Variants in COL4A6 observed in about 807,000 individuals in gnomAD.
COL4A6 encodes collagen type IV alpha 6 chain, also known as collagen alpha-6(IV) chain.
In COL4A6, 59 loss-of-function variants were observed where a neutral mutation model predicts 126.7. The ratio of observed to expected loss-of-function variants is 0.47; its 90% CI spans 0.38 to 0.58. The LOEUF (loss-of-function observed/expected upper bound fraction) is 0.58. Among genes scored for constraint, COL4A6 ranks in the 20% least tolerant of loss-of-function variants. COL4A6 has a pLI of 0.00. For missense variants in COL4A6, 1,285 were observed against 1,337.3 expected, an observed-to-expected ratio of 0.96 and a Z score of 0.61; for synonymous variants, 547 against 496.6, an observed-to-expected ratio of 1.10 and a Z score of -1.35.
intron 2 of COL4A6, among the ~76,000 whole-genome samples, chrX:108,355,985 G>C (rs2039950677): frequency 9.0e-6 from 1 of 110,898 alleles, no homozygotes; most frequent in African/African-American, 3.3e-5. Context: ...TTGACAGCTA[G>C]TAAATGTCAG....
Position 108,161,702 on chromosome X carries a change from T to C in COL4A6, c.4250A>G (p.Asp1417Gly). 1 of 1,191,176 alleles carries C rather than the reference T, an allele frequency of 8.4e-7. No homozygotes were observed. The highest frequency in any genetic ancestry group is 1.8e-5 in the South Asian group (1 of 56,391). ...TGGGCCTGGGAGCCCACTGGGGCCA[T>C]CTTTACCGGGGATGCCAGGTAAACC... is the stretch of plus-strand genomic sequence containing the variant. ...SKGLPGIPGK[D>G]GPSGLPGPPG... The change falls in exon 42 of 45, where the codon GAT becomes GGT. Residue 1417 changes from aspartate to glycine, a missense_variant. By Grantham distance (94) the Asp-to-Gly change is moderately conservative (BLOSUM62 -1). Coordinates refer to ENST00000334504, the MANE Select transcript of COL4A6 (RefSeq NM_033641.4).
chrX:108,264,050 C>T (rs1408977886), intron 3 of COL4A6, among the ~76,000 whole-genome samples: 1 of 111,326 alleles, frequency 9.0e-6, no homozygotes, highest in Non-Finnish European at 1.9e-5. Context: ...TTAATGACTT[C>T]TAGAGAGTCC....
At chrX:108,359,970 G>A (rs2040046625) in intron 2 of COL4A6, among the ~76,000 whole-genome samples, 1 of 112,079 alleles carries the variant, frequency 8.9e-6, no homozygotes, top group African/African-American at 3.2e-5. Flanking sequence ...GACACAGCTG[G>A]ACAAAAGTCA....
chrX:108,218,028 C>A (rs746963520), intron 5 of COL4A6, among the ~76,000 whole-genome samples: 1 of 112,150 alleles, frequency 8.9e-6, no homozygotes, highest in South Asian at 3.8e-4. Context: ...TCAACTCCTG[C>A]AAGCTCTAGG....
intron 3 of COL4A6, among the ~76,000 whole-genome samples, chrX:108,304,565 G>A (rs1049660196): frequency 8.0e-5 from 9 of 111,817 alleles, no homozygotes; most frequent in South Asian, 3.7e-4. Context: ...TGGAAACAAC[G>A]TCACAAAGAA....
chrX:108,267,369 A>G (rs1273784649), intron 3 of COL4A6, among the ~76,000 whole-genome samples: 1 of 112,357 alleles, frequency 8.9e-6, no homozygotes, highest in East Asian at 2.8e-4. Flanking sequence ...AACATGATAT[A>G]TCTCCAGGTT....
chrX:108,290,955 T>A (rs2038144400), intron 3 of COL4A6, among the ~76,000 whole-genome samples: 1 of 112,370 alleles, frequency 8.9e-6, no homozygotes, highest in African/African-American at 3.2e-5. Context: ...ATCAGATACG[T>A]CTTGAGTCTG....
intron 3 of COL4A6, among the ~76,000 whole-genome samples, chrX:108,262,779 C>T (rs1237848301): frequency 9.0e-6 from 1 of 111,238 alleles, no homozygotes; most frequent in Non-Finnish European, 1.9e-5. Flanking sequence ...TCTATTTGCC[C>T]CTACTAATTC....
intron 3 of COL4A6, among the ~76,000 whole-genome samples, chrX:108,292,416 C>A (rs2038184474): frequency 8.9e-6 from 1 of 112,139 alleles, no homozygotes; most frequent in Admixed American, 9.5e-5. Context: ...TAGACTTCAT[C>A]ATTGCAAAAT....
At chrX:108,306,432 G>A (rs2038627892) in intron 3 of COL4A6, among the ~76,000 whole-genome samples, 1 of 111,489 alleles carries the variant, frequency 9.0e-6, no homozygotes, top group South Asian at 3.8e-4. Context: ...GGTGTGTGTT[G>A]TAGTGGGTAG....
Position 108,411,131 on chromosome X carries a change from A to C in COL4A6, c.63+26811T>G, listed in dbSNP as rs1010410768. 2.7e-5 allele frequency among the ~76,000 whole-genome samples: 3 copies of C among 112,470 alleles called. No individual in the cohort carries two copies. In the South Asian group the frequency reaches 1.1e-3, roughly 42 times the overall value. ...TCAATATGGTAATTAATGCATAAAA[A>C]AGATAGGATCAGAGGTAGGCCAAGG... On this transcript the variant is annotated intron_variant, in intron 2 of 44. Coordinates refer to ENST00000334504, the MANE Select transcript of COL4A6 (RefSeq NM_033641.4).
intron 40 of COL4A6, among the ~76,000 whole-genome samples, chrX:108,164,189 C>G (rs947853716): frequency 2.7e-5 from 3 of 111,818 alleles, no homozygotes; most frequent in South Asian, 3.8e-4. Flanking sequence ...GCGAGGTGAA[C>G]AGATGCAAGG....
At chrX:108,196,951 C>T (rs780675403) in intron 13 of COL4A6, among the ~76,000 whole-genome samples, 8 of 111,570 alleles carry the variant, frequency 7.2e-5, no homozygotes, top group African/African-American at 2.0e-4. Context: ...TTTTTCATTC[C>T]GGGGACTTTT....
chrX:108,416,579 A>G (rs2041439760), intron 2 of COL4A6, among the ~76,000 whole-genome samples: 1 of 112,297 alleles, frequency 8.9e-6, no homozygotes, highest in Admixed American at 9.4e-5. Flanking sequence ...TTACTTTTAG[A>G]CAGTGTGTGA....
intron 2 of COL4A6, among the ~76,000 whole-genome samples, chrX:108,372,185 G>C (rs981241593): frequency 1.8e-5 from 2 of 111,218 alleles, no homozygotes; most frequent in South Asian, 7.6e-4. Flanking sequence ...TCTTTTCAAT[G>C]GGGCAGCTTC....
At position 108,163,322 on chromosome X, in the gene COL4A6, C is replaced by T. The variant is rs186620348; in HGVS notation, c.4070-284G>A. The T allele has an allele frequency of 3.6e-4, 94 of 258,565 alleles. 1 individual carries two copies. In the East Asian group the frequency reaches 7.3e-3, roughly 20 times the overall value. The allele number at this position is 258,565 out of a possible 1,213,427, so 21.3% of individuals were successfully genotyped here. A position where few individuals can be genotyped will look rare whatever the true frequency, so the allele number is the denominator to read the frequency against. On this transcript the variant is annotated intron_variant, in intron 40 of 44. Coordinates refer to ENST00000334504, the MANE Select transcript of COL4A6 (RefSeq NM_033641.4). ...CAGTGGGTGACAGGCAGTCCAGAAG[C>T]ATTTGCTGCTAATATGGTGAGCTGA...
intron 19 of COL4A6, among the ~76,000 whole-genome samples, chrX:108,190,721 T>G (rs1011109594): frequency 8.9e-6 from 1 of 112,090 alleles, no homozygotes. Flanking sequence ...ATGTCCATTA[T>G]GTTCCAGGCA....
At chrX:108,310,925 T>A in intron 2 of COL4A6, 97 bp from the exon 3 acceptor site, 3 of 643,926 alleles carry the variant, frequency 4.7e-6, no homozygotes, top group Non-Finnish European at 4.9e-6. Context: ...AGTAAATCTA[T>A]TGCGGCTTAA....
chrX:108,259,996 AT>A (rs890332654), intron 3 of COL4A6, among the ~76,000 whole-genome samples: 3 of 108,646 alleles, frequency 2.8e-5, no homozygotes, highest in Non-Finnish European at 3.8e-5. Flanking sequence ...AAAGTTTAGT[AT>A]TTTTTTTTCG....
Sources: gnomAD v4.1 joint callset for allele counts (sites outside exome capture counted in the v4.1 genomes callset) on GRCh38, gnomAD v4.1.1 for gene constraint, MANE v1.5 for transcripts, NCBI Gene and HGNC (gene_info 2026-07-23, HGNC 2026-07-21) for gene names.